The following MAML3 variants were observed in gnomAD, a reference collection of about 807,000 sequenced individuals.
MAML3 encodes mastermind like transcriptional coactivator 3.
In MAML3, 27 loss-of-function variants were observed where a neutral mutation model predicts 101.9. That is an observed-to-expected ratio of 0.27 (90% CI 0.20 to 0.37). The LOEUF (loss-of-function observed/expected upper bound fraction) is 0.37, where lower values mean the gene tolerates loss of function less well. Ranked by LOEUF, MAML3 falls within the 10% of genes least tolerant of loss-of-function variation. The probability of loss-of-function intolerance (pLI) is 1.00; values close to 1 mark genes in which losing one functional copy is unlikely to be tolerated. For missense variants in MAML3, 1,316 were observed against 1,444.9 expected, an observed-to-expected ratio of 0.91 and a Z score of 1.45; for synonymous variants, 501 against 555.9, an observed-to-expected ratio of 0.90 and a Z score of 1.39.
intron 1 of MAML3, among the ~76,000 whole-genome samples, chr4:139,965,054 G>C (rs1734101149): frequency 6.6e-6 from 1 of 152,132 alleles, no homozygotes. Context: ...AAACATTGTT[G>C]TTTTAATAAT....
At chr4:139,869,651 G>C (rs1190830586) in intron 2 of MAML3, among the ~76,000 whole-genome samples, 1 of 151,830 alleles carries the variant, frequency 6.6e-6, no homozygotes, top group Non-Finnish European at 1.5e-5. Context: ...CCACCCCCGC[G>C]GCCAAACTCC....
chr4:139,838,368 T>A (rs6838485), intron 2 of MAML3, among the ~76,000 whole-genome samples: 2,859 of 152,330 alleles, frequency 0.019, 36 homozygotes, highest in Middle Eastern at 0.065. Flanking sequence ...ATCTTACAGA[T>A]GATTCCCTAC....
intron 2 of MAML3, among the ~76,000 whole-genome samples, chr4:139,803,471 C>A (rs1730645833): frequency 6.6e-6 from 1 of 152,112 alleles, no homozygotes; most frequent in South Asian, 2.1e-4. Context: ...GGCATAGGAT[C>A]ATAGAGAACT....
chr4:139,940,254 CT>C (rs370548694), intron 1 of MAML3, among the ~76,000 whole-genome samples: 6 of 152,304 alleles, frequency 3.9e-5, no homozygotes, highest in Non-Finnish European at 7.3e-5. Context: ...CTTCAGTTAA[CT>C]CACTAGGAAC....
intron 2 of MAML3, among the ~76,000 whole-genome samples, chr4:139,743,312 C>T (rs983327837): frequency 2.0e-4 from 31 of 152,348 alleles, no homozygotes; most frequent in Admixed American, 1.8e-3. Context: ...ACCTGCTGTT[C>T]AGGAGACTTC....
At chr4:140,117,569 G>A (rs1247209099) in intron 1 of MAML3, among the ~76,000 whole-genome samples, 2 of 151,710 alleles carry the variant, frequency 1.3e-5, no homozygotes, top group Non-Finnish European at 2.9e-5. Flanking sequence ...TTGCACCACT[G>A]CATTCTAGCC....
At chr4:139,820,635 G>A (rs1280810884) in intron 2 of MAML3, among the ~76,000 whole-genome samples, 1 of 152,078 alleles carries the variant, frequency 6.6e-6, no homozygotes, top group Non-Finnish European at 1.5e-5. Flanking sequence ...TATTGGGATC[G>A]TATGTAGTTT....
chr4:139,729,576 A>G (rs2246759), intron 3 of MAML3, among the ~76,000 whole-genome samples: 55,109 of 152,098 alleles, frequency 0.36, 11,039 homozygotes, highest in Middle Eastern at 0.51. Flanking sequence ...CTCCTATAAG[A>G]AAGAGCCTGC....
chr4:140,129,631 T>C (rs527557657), intron 1 of MAML3, among the ~76,000 whole-genome samples: 1 of 152,162 alleles, frequency 6.6e-6, no homozygotes, highest in East Asian at 1.9e-4. Flanking sequence ...GCGCAATCCA[T>C]ACAGCAACGA....
At position 139,988,322 on chromosome 4, in the gene MAML3, G is replaced by A. The variant is rs1290249162; in HGVS notation, c.469-97355C>T. On this transcript the variant is annotated intron_variant, in intron 1 of 4. Transcript: ENST00000509479. ...AGCCTGGGCGACAGAGTGAGACTCC[G>A]TCTCAAAAAAAAAAAAAAAAAAAAA... 3.0e-3 allele frequency among the ~76,000 whole-genome samples: 294 copies of A among 96,770 alleles called. 2 individuals carry two copies. Among genetic ancestry groups the A allele is most frequent in the Middle Eastern group, 0.022 (3 of 134 alleles). The allele number at this position is 96,770 out of a possible 152,430, so 63.5% of individuals were successfully genotyped here. A position where few individuals can be genotyped will look rare whatever the true frequency, so the allele number is the denominator to read the frequency against.
chr4:139,964,434 TGATGGGG>T (rs1734086964), intron 1 of MAML3, among the ~76,000 whole-genome samples: 1 of 151,810 alleles, frequency 6.6e-6, no homozygotes, highest in Non-Finnish European at 1.5e-5. Flanking sequence ...CACCAGGGCC[TGATGGGG>T]GATGGGGGTG....
At chr4:140,031,213 C>T (rs906248597) in intron 1 of MAML3, among the ~76,000 whole-genome samples, 1 of 152,182 alleles carries the variant, frequency 6.6e-6, no homozygotes, top group Non-Finnish European at 1.5e-5. Flanking sequence ...CATCATTATT[C>T]TTCCAATGCT....
intron 2 of MAML3, among the ~76,000 whole-genome samples, chr4:139,875,154 C>G (rs1732087061): frequency 6.6e-6 from 1 of 152,052 alleles, no homozygotes; most frequent in African/African-American, 2.4e-5. Flanking sequence ...GGTTATATAA[C>G]CCGCCCAAGG....
intron 1 of MAML3, among the ~76,000 whole-genome samples, chr4:140,054,445 A>C (rs1441729315): frequency 6.6e-6 from 1 of 152,062 alleles, no homozygotes; most frequent in African/African-American, 2.4e-5. Flanking sequence ...TTGTTGATTA[A>C]AATAAAGATT....
intron 1 of MAML3, among the ~76,000 whole-genome samples, chr4:139,954,093 G>A (rs988529063): frequency 1.3e-5 from 2 of 152,198 alleles, no homozygotes; most frequent in Non-Finnish European, 2.9e-5. Flanking sequence ...AGGCACACTT[G>A]AGAAACCCTG....
At chr4:139,959,098 C>T (rs773449112) in intron 1 of MAML3, among the ~76,000 whole-genome samples, 12 of 152,204 alleles carry the variant, frequency 7.9e-5, no homozygotes, top group Non-Finnish European at 1.5e-4. Flanking sequence ...CAGATTATAA[C>T]TACCTGCTCT....
At chr4:139,918,632 C>T (rs1001201317) in intron 1 of MAML3, among the ~76,000 whole-genome samples, 3 of 152,050 alleles carry the variant, frequency 2.0e-5, no homozygotes, top group African/African-American at 4.8e-5. Context: ...TTGTCTTCTC[C>T]CATTTGAGTG....
intron 1 of MAML3, among the ~76,000 whole-genome samples, chr4:139,994,826 T>C (rs1226888676): frequency 6.6e-6 from 1 of 151,852 alleles, no homozygotes; most frequent in Admixed American, 6.6e-5. Flanking sequence ...TTCCTTAAAA[T>C]TTTATACATA....
intron 2 of MAML3, among the ~76,000 whole-genome samples, chr4:139,846,188 T>C (rs562750027): frequency 6.6e-6 from 1 of 152,328 alleles, no homozygotes; most frequent in African/African-American, 2.4e-5. Context: ...GACTAAACTA[T>C]GGCTTATAAG....
Sources: allele counts gnomAD v4.1 joint callset (sites outside exome capture counted in the v4.1 genomes callset), GRCh38; gene constraint gnomAD v4.1.1; transcripts MANE v1.5; gene names NCBI Gene and HGNC (gene_info 2026-07-23, HGNC 2026-07-21).